Variants in CCDC93 observed in about 807,000 individuals in gnomAD.
CCDC93 encodes CCC complex scaffolding subunit CCDC93, also known as coiled-coil domain-containing protein 93.
CCDC93 carries 61 observed loss-of-function variants against 108.2 expected under a neutral mutation model. The observed-to-expected ratio is 0.56, with a 90% CI of 0.46 to 0.70. CCDC93 has a LOEUF of 0.70. Ranked by LOEUF, CCDC93 falls within the 30% of genes least tolerant of loss-of-function variation. The pLI is 0.00. For synonymous variants in CCDC93, 276 were observed against 260.4 expected, an observed-to-expected ratio of 1.06 and a Z score of -0.58; for missense variants, 685 against 764.2, an observed-to-expected ratio of 0.90 and a Z score of 1.22.
intron 21 of CCDC93, chr2:117,935,988 G>A (rs1316315346): frequency 1.3e-5 from 2 of 155,172 alleles, no homozygotes; most frequent in African/African-American, 4.8e-5. Context: ...GACATATTCT[G>A]AGATTTCCTA....
chr2:118,010,472 T>G (rs1035168220), intron 1 of CCDC93, among the ~76,000 whole-genome samples: 3 of 152,214 alleles, frequency 2.0e-5, no homozygotes, highest in Admixed American at 6.5e-5. Flanking sequence ...TAATCATCTC[T>G]GAGTCCTCCC....
At chr2:117,981,226 C>A (rs1414519126) in intron 7 of CCDC93, among the ~76,000 whole-genome samples, 1 of 152,076 alleles carries the variant, frequency 6.6e-6, no homozygotes, top group East Asian at 1.9e-4. Context: ...CTTCAATATC[C>A]CCATTGCCTG....
chr2:117,921,225 G>A (rs1013718967), intron 23 of CCDC93, among the ~76,000 whole-genome samples: 3 of 150,986 alleles, frequency 2.0e-5, no homozygotes, highest in Non-Finnish European at 3.0e-5. Flanking sequence ...AAACCGAACT[G>A]TATGAAATCA....
At chr2:117,924,953 G>A (rs932561488) in intron 23 of CCDC93, among the ~76,000 whole-genome samples, 14 of 152,240 alleles carry the variant, frequency 9.2e-5, no homozygotes, top group African/African-American at 3.1e-4. Context: ...CAAGCCAGAA[G>A]AGAGTGGGGG....
chr2:117,988,588 C>T (rs1680387575), intron 6 of CCDC93, among the ~76,000 whole-genome samples: 1 of 152,194 alleles, frequency 6.6e-6, no homozygotes, highest in Admixed American at 6.5e-5. Context: ...CTTACTTAGC[C>T]TATGTGTCCC....
intron 1 of CCDC93, among the ~76,000 whole-genome samples, chr2:118,010,465 T>A (rs1187744159): frequency 6.6e-6 from 1 of 152,208 alleles, no homozygotes; most frequent in African/African-American, 2.4e-5. Flanking sequence ...ATGCTCATAA[T>A]CATCTCTGAG....
chr2:117,969,700 T>C (rs1036563947), intron 11 of CCDC93, among the ~76,000 whole-genome samples: 1 of 136,082 alleles, frequency 7.3e-6, no homozygotes, highest in South Asian at 2.5e-4. Flanking sequence ...CCTATGACTA[T>C]GAGTATGTCC....
At chr2:117,925,237 C>T (rs972937204) in intron 23 of CCDC93, among the ~76,000 whole-genome samples, 3 of 152,132 alleles carry the variant, frequency 2.0e-5, no homozygotes, top group Non-Finnish European at 4.4e-5. Context: ...AACCAGCTAC[C>T]ATCATAATGA....
intron 11 of CCDC93, among the ~76,000 whole-genome samples, chr2:117,963,276 C>A (rs17584023): frequency 6.6e-6 from 1 of 152,156 alleles, no homozygotes; most frequent in Non-Finnish European, 1.5e-5. Context: ...CATATACATA[C>A]AAGCATGCCC....
intron 23 of CCDC93, among the ~76,000 whole-genome samples, chr2:117,928,280 G>C (rs1284907248): frequency 2.6e-5 from 4 of 152,144 alleles, no homozygotes; most frequent in Non-Finnish European, 5.9e-5. Context: ...TTAAACTAAA[G>C]AGCTTCTGCA....
chr2:118,013,265 C>T (rs1677067876), intron 1 of CCDC93, among the ~76,000 whole-genome samples: 2 of 152,242 alleles, frequency 1.3e-5, no homozygotes, highest in Non-Finnish European at 2.9e-5. Context: ...AAAAGAACCC[C>T]GCCCTCTTCT....
At chr2:117,951,233 G>T (rs1193340800) in intron 13 of CCDC93, 1 of 985,124 alleles carries the variant, frequency 1.0e-6, no homozygotes, top group African/African-American at 1.7e-5. Context: ...ATCACAGAGG[G>T]CTCCCAACCC....
intron 12 of CCDC93, among the ~76,000 whole-genome samples, chr2:117,957,451 T>C (rs778910145): frequency 8.5e-5 from 13 of 152,322 alleles, no homozygotes; most frequent in Admixed American, 2.6e-4. Context: ...CCATCAATAG[T>C]AGCAGTCCAC....
At position 117,920,242 on chromosome 2, in the gene CCDC93, G is replaced by C. The variant is rs932328187; in HGVS notation, c.*101C>G. The C allele has an allele frequency of 4.2e-6, 3 of 716,004 alleles. No homozygotes were observed. In the African/African-American group the frequency reaches 5.2e-5, roughly 13 times the overall value. The allele number at this position is 716,004 out of a possible 1,614,324, so 44.4% of individuals were successfully genotyped here. On this transcript the variant is annotated 3_prime_UTR_variant, in exon 24 of 24. Coordinates refer to ENST00000376300, the MANE Select transcript of CCDC93 (RefSeq NM_019044.5). ...CCAGGTTGTTGAAATCATCACAACT[G>C]CATCTCTCTACTGTCGCTTTCAGAA...
rs1363912530 is a variant in CCDC93, at chr2:117,920,299, G to A, written c.*44C>T. On this transcript the variant is annotated 3_prime_UTR_variant, in exon 24 of 24. Coordinates refer to ENST00000376300, the MANE Select transcript of CCDC93 (RefSeq NM_019044.5). ...CATGATCTTGTAGGTGATATACGGT[G>A]CTTAAAAGTAAAATCAATGACATAC... 4 of 1,409,254 alleles carry A rather than the reference G, an allele frequency of 2.8e-6. No individual in the cohort carries two copies. In the East Asian group the frequency reaches 6.8e-5, roughly 24 times the overall value. The allele number at this position is 1,409,254 out of a possible 1,614,324, so 87.3% of individuals were successfully genotyped here.
intron 12 of CCDC93, among the ~76,000 whole-genome samples, chr2:117,958,080 G>C (rs1230741496): frequency 6.6e-6 from 1 of 152,144 alleles, no homozygotes; most frequent in Admixed American, 6.5e-5. Flanking sequence ...TCCTATGACA[G>C]AAGTTAGCAA....
chr2:117,997,783 G>T (rs942205784), intron 4 of CCDC93: 2 of 152,142 alleles, frequency 1.3e-5, no homozygotes, highest in Non-Finnish European at 2.9e-5. Flanking sequence ...AAACTAAGTG[G>T]TCCAGGACAA....
Position 117,917,613 on chromosome 2 carries a change from C to T in CCDC93, c.*2730G>A, listed in dbSNP as rs1008008701. ...TCTGTTAAAACAACCCTCAGTGTGA[C>T]TCTGACGACTGTTTAACATTCTGTA... On this transcript the variant is annotated 3_prime_UTR_variant, in exon 24 of 24. Transcript: ENST00000376300. The T allele has an allele frequency of 4.6e-5, 7 of 152,280 alleles. No homozygotes were observed. The highest frequency in any genetic ancestry group is 1.7e-4 in the African/African-American group (7 of 41,452). The allele number at this position is 152,280 out of a possible 1,614,324, so 9.4% of individuals were successfully genotyped here.
intron 18 of CCDC93, 35 bp downstream of exon 18, chr2:117,943,989 G>A (rs1429778647): frequency 7.0e-7 from 1 of 1,424,802 alleles, no homozygotes; most frequent in Non-Finnish European, 9.7e-7. Flanking sequence ...CTAGTTAGAA[G>A]CATTTATGCA....
Sources: gnomAD v4.1 joint callset for allele counts (sites outside exome capture counted in the v4.1 genomes callset) on GRCh38, gnomAD v4.1.1 for gene constraint, MANE v1.5 for transcripts, NCBI Gene and HGNC (gene_info 2026-07-23, HGNC 2026-07-21) for gene names.